The following CTDP1 variants were observed in gnomAD, a reference collection of about 807,000 sequenced individuals.
CTDP1 encodes the protein CTD phosphatase 1, also known as RNA polymerase II subunit A C-terminal domain phosphatase.
In CTDP1, 47 loss-of-function variants were observed where a neutral mutation model predicts 91.8. The observed-to-expected ratio is 0.51, with a 90% CI of 0.41 to 0.65. CTDP1 has a LOEUF of 0.65. Among genes scored for constraint, CTDP1 ranks in the 30% least tolerant of loss-of-function variants. The probability of loss-of-function intolerance (pLI) is 0.00; values close to 1 mark genes in which losing one functional copy is unlikely to be tolerated. For missense variants in CTDP1, 1,272 were observed against 1,373.7 expected (o/e 0.93, Z 1.17); for synonymous variants, 656 against 598.5 (o/e 1.10, Z -1.40).
At chr18:79,681,162 C>T (rs1334258893) in intron 1 of CTDP1, among the ~76,000 whole-genome samples, 1 of 152,242 alleles carries the variant, frequency 6.6e-6, no homozygotes, top group Non-Finnish European at 1.5e-5. Flanking sequence ...TGAGGATCTT[C>T]TCTGCATCTG....
At chr18:79,705,250 G>C (rs1482712989) in intron 5 of CTDP1, among the ~76,000 whole-genome samples, 1 of 152,200 alleles carries the variant, frequency 6.6e-6, no homozygotes, top group Non-Finnish European at 1.5e-5. Context: ...CGGGCTGCTT[G>C]TGTGTGCTCT....
chr18:79,714,381 A>G, intron 7 of CTDP1, 110 bp from the exon 8 acceptor site: 2 of 1,281,204 alleles, frequency 1.6e-6, no homozygotes, highest in Non-Finnish European at 2.2e-6. Context: ...GGCCTGGTCT[A>G]GAGGGTGGTG....
chr18:79,692,763 G>A (rs2085651543), intron 1 of CTDP1, among the ~76,000 whole-genome samples: 2 of 152,196 alleles, frequency 1.3e-5, no homozygotes, highest in Non-Finnish European at 1.5e-5. Context: ...GTCCTGTGTG[G>A]GGCAGGGGGT....
In CTDP1 at chr18:79,680,224, G is replaced by A; in HGVS notation, c.277G>A (p.Glu93Lys). Residue 93 changes from glutamate (E) to lysine (K), a missense_variant, in exon 1 of 13, where the codon GAG (glutamate) becomes AAG (lysine). Transcript: ENST00000613122. ...LRSERAGVVR[E>K]LCAQPGQVVA... is the part of the protein sequence containing the mutation. ...GTCGGAGCGCGCGGGCGTGGTGCGG[G>A]AGCTGTGCGCGCAGCCGGGCCAGGT... 2.2e-6 allele frequency: 3 copies of A among 1,358,798 alleles called. No homozygotes were observed. The highest frequency in any genetic ancestry group is 3.1e-5 in the East Asian group (1 of 32,250). 84.2% of individuals were successfully genotyped at this position (1,358,798 alleles called of 1,614,324 possible). A position where few individuals can be genotyped will look rare whatever the true frequency, so the allele number is the denominator to read the frequency against.
intron 12 of CTDP1, among the ~76,000 whole-genome samples, chr18:79,749,514 C>T (rs2086952031): frequency 6.6e-6 from 1 of 151,894 alleles, no homozygotes; most frequent in Non-Finnish European, 1.5e-5. Context: ...CCCGTGCACA[C>T]GAGATCCAGG....
chr18:79,734,545 C>T (rs3786242), intron 11 of CTDP1, among the ~76,000 whole-genome samples: 21,935 of 151,162 alleles, frequency 0.15, 2,072 homozygotes, highest in Non-Finnish European at 0.22. Context: ...GCCTCACCAG[C>T]GTTGGCACGG....
At chr18:79,719,229 G>A (rs530443459) in intron 10 of CTDP1, among the ~76,000 whole-genome samples, 2 of 152,316 alleles carry the variant, frequency 1.3e-5, no homozygotes, top group South Asian at 2.1e-4. Flanking sequence ...GGAGAGCAGC[G>A]TGTGCCCCTC....
Position 79,680,080 on chromosome 18 carries a change from A to C in CTDP1, c.133A>C (p.Ile45Leu). ...GGTGGCGGCGGGCGCGGCCGTGCGC[A>C]TCGGCTCGGTGCTGGCCGTGTTCGA... ...WRVAAGAAVR[I>L]GSVLAVFEAA... The change falls in exon 1 of 13, where the codon ATC becomes CTC. Residue 45 changes from isoleucine to leucine, a missense_variant. Ile to Leu is a conservative substitution (Grantham distance 5). Around this residue, in one of 3 missense-constraint regions of CTDP1, gnomAD observed 214 missense variants for 179.1 expected, o/e 1.19. Transcript: ENST00000613122. 7.8e-7 allele frequency: 1 copy of C among 1,286,442 alleles called. No homozygotes were observed. Among genetic ancestry groups the C allele is most frequent in the Non-Finnish European group, 9.8e-7 (1 of 1,018,674 alleles). The allele number at this position is 1,286,442 out of a possible 1,614,324, so 79.7% of individuals were successfully genotyped here.
intron 11 of CTDP1, among the ~76,000 whole-genome samples, chr18:79,735,391 C>A (rs1032025864): frequency 6.6e-6 from 1 of 152,270 alleles, no homozygotes; most frequent in Non-Finnish European, 1.5e-5. Context: ...CACACAGACG[C>A]CCTCAACGTC....
At chr18:79,746,327 G>C (rs1301786986) in intron 12 of CTDP1, among the ~76,000 whole-genome samples, 7 of 141,662 alleles carry the variant, frequency 4.9e-5, no homozygotes, top group African/African-American at 1.9e-4. Context: ...TTCTGTCCCC[G>C]CGTCCCTCCC....
Position 79,694,199 on chromosome 18 carries a change from G to A in CTDP1, c.315-1026G>A, listed in dbSNP as rs536565393. ...TAGGGGCGGGTGCTGAGTGCTGGGC[G>A]GCCTCATGTCTGCAGGGCAGGGTGG... is the stretch of plus-strand genomic sequence containing the variant. On this transcript the variant is annotated intron_variant, in intron 1 of 12. Coordinates refer to ENST00000613122, the MANE Select transcript of CTDP1 (RefSeq NM_004715.5). 3.4e-3 allele frequency among the ~76,000 whole-genome samples: 509 copies of A among 148,112 alleles called. 2 individuals carry two copies. The highest frequency in any genetic ancestry group is 0.012 in the African/African-American group (448 of 38,666).
intron 12 of CTDP1, among the ~76,000 whole-genome samples, chr18:79,737,925 T>A (rs1275935450): frequency 6.6e-6 from 1 of 152,212 alleles, no homozygotes; most frequent in East Asian, 1.9e-4. Context: ...GATTTGATAA[T>A]CACCTCACTT....
intron 10 of CTDP1, among the ~76,000 whole-genome samples, chr18:79,720,535 T>C (rs2122679975): frequency 7.0e-6 from 1 of 141,854 alleles, no homozygotes; most frequent in Non-Finnish European, 1.5e-5. Flanking sequence ...CCACCCGTCA[T>C]TAGCGCATTC....
At position 79,679,927 on chromosome 18, in the gene CTDP1, C is replaced by A. The variant is rs921894487; in HGVS notation, c.-21C>A. The stretch of plus-strand genomic sequence containing the variant: ...CGCAGCGCAGGCCCCGTACCGACCG[C>A]CCGCCCGCCCTCTGTCCGCGATGGA... On this transcript the variant is annotated 5_prime_UTR_variant, in exon 1 of 13. Coordinates refer to ENST00000613122, the MANE Select transcript of CTDP1 (RefSeq NM_004715.5). The A allele has an allele frequency of 1.7e-5, 24 of 1,373,274 alleles. No homozygotes were observed. The highest frequency in any genetic ancestry group is 1.1e-4 in the African/African-American group (7 of 64,870). The allele number at this position is 1,373,274 out of a possible 1,614,324, so 85.1% of individuals were successfully genotyped here. A position where few individuals can be genotyped will look rare whatever the true frequency, so the allele number is the denominator to read the frequency against.
chr18:79,685,619 G>A (rs961388503), intron 1 of CTDP1: 1 of 152,176 alleles, frequency 6.6e-6, no homozygotes, highest in Admixed American at 6.5e-5. Flanking sequence ...TGTCTTTATT[G>A]CTTTGTAGAT....
upstream of CTDP1, chr18:79,677,736 G>T (rs549264209): frequency 6.6e-6 from 1 of 152,206 alleles, no homozygotes; most frequent in African/African-American, 2.4e-5. Flanking sequence ...TGTGAACCAG[G>T]GGTTCATGGG....
At chr18:79,685,004 A>ATCAGTGCAG (rs1568171041) in intron 1 of CTDP1, among the ~76,000 whole-genome samples, 1,013 of 36,974 alleles carry the variant, frequency 0.027, 10 homozygotes, top group Middle Eastern at 0.054. Flanking sequence ...CCTGGTGAGG[A>ATCAGTGCAG]GGACGGTGCA....
chr18:79,712,661 T>C (rs2086107264), intron 6 of CTDP1, among the ~76,000 whole-genome samples: 1 of 152,212 alleles, frequency 6.6e-6, no homozygotes, highest in African/African-American at 2.4e-5. Flanking sequence ...TATTGAAACA[T>C]GGTCACGCCC....
chr18:79,715,410 G>C lies in CTDP1; in HGVS notation c.1950G>C (p.Pro650=). Residue 650 remains proline (P), a synonymous_variant, in exon 8 of 13, where the codon CCG becomes CCC. Coordinates refer to ENST00000613122, the MANE Select transcript of CTDP1 (RefSeq NM_004715.5). ...IFSGLHPTNF[P]IEKTREHYHA... is the part of the protein sequence containing the mutation. Reference sequence around the variant, plus strand: ...GTGGGCTACACCCGACAAACTTCCCGATAGAGAAGACGCGGGAGCATTACC... The same window carrying C: ...GTGGGCTACACCCGACAAACTTCCCCATAGAGAAGACGCGGGAGCATTACC... The C allele has an allele frequency of 3.1e-6, 5 of 1,602,500 alleles. No homozygotes were observed. Among genetic ancestry groups the C allele is most frequent in the Non-Finnish European group, 4.3e-6 (5 of 1,174,444 alleles).
Sources: allele counts gnomAD v4.1 joint callset (sites outside exome capture counted in the v4.1 genomes callset), GRCh38; gene constraint gnomAD v4.1.1; regional missense constraint gnomAD v4.1.1; transcripts MANE v1.5; gene names NCBI Gene and HGNC (gene_info 2026-07-23, HGNC 2026-07-21).